GPC5: variants seen among roughly 807,000 people sequenced by gnomAD.
The protein encoded by GPC5 is glypican 5.
A neutral mutation model predicts 53.9 loss-of-function variants in GPC5; 47 were observed. That is an observed-to-expected ratio of 0.87 (90% CI 0.69 to 1.11). The LOEUF is 1.11. Among genes scored for constraint, GPC5 ranks in the 50% most tolerant of loss-of-function variants. GPC5 has a pLI of 0.00. For synonymous variants in GPC5, 286 were observed against 263.3 expected (o/e 1.09, Z -0.84); for missense variants, 748 against 713.1 (o/e 1.05, Z -0.56).
At chr13:92,837,799 TCA>T (rs1186800987) in intron 7 of GPC5, among the ~76,000 whole-genome samples, 1 of 152,002 alleles carries the variant, frequency 6.6e-6, no homozygotes, top group Non-Finnish European at 1.5e-5. Context: ...CTTAAGAAGG[TCA>T]CAATCCTTAG....
chr13:92,067,856 A>G lies in GPC5; in HGVS notation c.1402-76974A>G, dbSNP rs191294620. ...ATAAACACACAGTATAAAAGCACAT[A>G]TAAGGACATATACCAAAATATTATC... On this transcript the variant is annotated intron_variant, in intron 6 of 7. Transcript: ENST00000377067. Among the ~76,000 whole-genome samples the G allele has an allele frequency of 2.0e-5, 3 of 152,152 alleles. No individual in the cohort carries two copies. The East Asian group carries it at 5.8e-4, about 29-fold the overall frequency.
chr13:92,463,846 A>T (rs918994668), intron 7 of GPC5, among the ~76,000 whole-genome samples: 1 of 152,220 alleles, frequency 6.6e-6, no homozygotes, highest in African/African-American at 2.4e-5. Flanking sequence ...ATACAGTTTT[A>T]AGATACAATT....
intron 7 of GPC5, among the ~76,000 whole-genome samples, chr13:92,657,341 A>G (rs868756129): frequency 1.3e-5 from 2 of 152,216 alleles, no homozygotes; most frequent in African/African-American, 4.8e-5. Flanking sequence ...GCAACCCTTT[A>G]ATGATCTGAC....
At chr13:92,731,963 T>C (rs1888818320) in intron 7 of GPC5, among the ~76,000 whole-genome samples, 1 of 151,396 alleles carries the variant, frequency 6.6e-6, no homozygotes, top group South Asian at 2.1e-4. Flanking sequence ...CATGGGATTG[T>C]GTGAGGGGAG....
chr13:92,234,871 T>A (rs888340006), intron 7 of GPC5, among the ~76,000 whole-genome samples: 1 of 152,138 alleles, frequency 6.6e-6, no homozygotes, highest in Non-Finnish European at 1.5e-5. Flanking sequence ...ATATGCCAAA[T>A]TTGCATATTT....
chr13:92,862,186 A>T (rs1168962536), intron 7 of GPC5, among the ~76,000 whole-genome samples: 1 of 152,204 alleles, frequency 6.6e-6, no homozygotes, highest in East Asian at 1.9e-4. Context: ...CACCTGTTCC[A>T]AATATTTAGA....
chr13:92,047,925 A>G (rs2040996477), intron 6 of GPC5, among the ~76,000 whole-genome samples: 1 of 151,928 alleles, frequency 6.6e-6, no homozygotes, highest in Non-Finnish European at 1.5e-5. Context: ...TGGAAGGCAG[A>G]GGTTGGAGTG....
At chr13:92,806,762 G>A (rs1877115691) in intron 7 of GPC5, among the ~76,000 whole-genome samples, 1 of 152,030 alleles carries the variant, frequency 6.6e-6, no homozygotes, top group Non-Finnish European at 1.5e-5. Context: ...TGTGGGTGCA[G>A]TTCATGGTGC....
chr13:91,795,129 G>A (rs1315275065), intron 5 of GPC5, among the ~76,000 whole-genome samples: 2 of 152,064 alleles, frequency 1.3e-5, no homozygotes, highest in Admixed American at 1.3e-4. Context: ...CCACTGTATG[G>A]ATATTTTTAT....
intron 4 of GPC5, among the ~76,000 whole-genome samples, chr13:91,744,747 T>C (rs2037010780): frequency 6.6e-6 from 1 of 152,154 alleles, no homozygotes; most frequent in Admixed American, 6.6e-5. Flanking sequence ...ACAAAGTTTA[T>C]TGTTAAAATG....
intron 5 of GPC5, among the ~76,000 whole-genome samples, chr13:91,843,639 G>A (rs916619170): frequency 2.2e-4 from 34 of 152,122 alleles, no homozygotes; most frequent in Admixed American, 2.0e-3. Flanking sequence ...TTAAATAGGG[G>A]GGTCATAGAG....
chr13:92,617,064 T>C (rs1884714046), intron 7 of GPC5, among the ~76,000 whole-genome samples: 1 of 152,084 alleles, frequency 6.6e-6, no homozygotes, highest in South Asian at 2.1e-4. Flanking sequence ...AATTTGAAAA[T>C]AGAAAAAGAA....
rs150004339 is a variant in GPC5 at position 92,361,363 on chromosome 13, A to G, written c.1561+216374A>G. Among the ~76,000 whole-genome samples the G allele has an allele frequency of 1.1e-4, 17 of 151,758 alleles. No homozygotes were observed. In the East Asian group the frequency reaches 2.9e-3, roughly 26 times the overall value. ...ATTGCTGTCTTACCTGGACCCGGTCATTTAGCTTGTCACTGACTTGGCCTC... is the reference window on the plus strand; with the variant it reads ...ATTGCTGTCTTACCTGGACCCGGTCGTTTAGCTTGTCACTGACTTGGCCTC... On this transcript the variant is annotated intron_variant, in intron 7 of 7. Coordinates refer to ENST00000377067, the MANE Select transcript of GPC5 (RefSeq NM_004466.6).
chr13:92,213,118 T>A (rs2042386801), intron 7 of GPC5, among the ~76,000 whole-genome samples: 1 of 152,210 alleles, frequency 6.6e-6, no homozygotes, highest in African/African-American at 2.4e-5. Flanking sequence ...CTCTCTGAAC[T>A]CAAAGCTCAG....
intron 2 of GPC5, among the ~76,000 whole-genome samples, chr13:91,558,800 T>C (rs551135289): frequency 6.6e-6 from 1 of 152,224 alleles, no homozygotes; most frequent in African/African-American, 2.4e-5. Context: ...ATGAAGGTCA[T>C]GGCTGCGCCC....
chr13:92,319,410 TAAA>T lies in GPC5; in HGVS notation c.1561+174438_1561+174440del, dbSNP rs67635557. ...CCCCATGATAATGCATCTCTGAAACTAAAAAAAAAAAAAAAAAAAGAGGAATTC... is the reference window on the plus strand; with the variant it reads ...CCCCATGATAATGCATCTCTGAAACTAAAAAAAAAAAAAAAAGAGGAATTC... On this transcript the variant is annotated intron_variant, in intron 7 of 7. Transcript: ENST00000377067. Among the ~76,000 whole-genome samples, 886 of 108,692 alleles carry T rather than the reference TAAA, an allele frequency of 8.2e-3. 7 individuals carry two copies. The highest frequency in any genetic ancestry group is 0.024 in the African/African-American group (780 of 32,582). 71.3% of individuals were successfully genotyped at this position (108,692 alleles called of 152,430 possible).
intron 6 of GPC5, among the ~76,000 whole-genome samples, chr13:92,053,799 G>A (rs1316056886): frequency 6.6e-6 from 1 of 151,958 alleles, no homozygotes; most frequent in African/African-American, 2.4e-5. Context: ...GGAGGCCGAG[G>A]TGGGCGGATC....
At chr13:91,576,761 A>G (rs1038287444) in intron 2 of GPC5, among the ~76,000 whole-genome samples, 2 of 152,196 alleles carry the variant, frequency 1.3e-5, no homozygotes, top group African/African-American at 4.8e-5. Context: ...AGAATATCAC[A>G]AAAGCAGGGA....
intron 7 of GPC5, among the ~76,000 whole-genome samples, chr13:92,299,259 C>T (rs1029043066): frequency 2.0e-5 from 3 of 151,988 alleles, no homozygotes; most frequent in African/African-American, 4.8e-5. Context: ...TTCAGAAATT[C>T]GAAGCAAACT....
Sources: allele counts gnomAD v4.1 joint callset (sites outside exome capture counted in the v4.1 genomes callset), GRCh38; gene constraint gnomAD v4.1.1; transcripts MANE v1.5; gene names NCBI Gene and HGNC (gene_info 2026-07-23, HGNC 2026-07-21).